The following TTN variants were observed in gnomAD, a reference collection of about 807,000 sequenced individuals.
TTN encodes connectin.
A neutral mutation model predicts 3,223.0 loss-of-function variants in TTN; 1,525 were observed. The observed-to-expected ratio is 0.47, with a 90% CI of 0.45 to 0.49. TTN has a LOEUF of 0.49. Ranked by LOEUF, TTN falls within the 20% of genes least tolerant of loss-of-function variation. The pLI is 0.00. For missense variants in TTN, 40,786 were observed against 43,424.0 expected (o/e 0.94, Z 5.40); for synonymous variants, 14,094 against 15,161.0 (o/e 0.93, Z 5.17).
At chr2:178,714,844 T>C in intron 90 of TTN, 142 bp downstream of exon 90, 1 of 1,161,148 alleles carries the variant, frequency 8.6e-7, no homozygotes, top group Non-Finnish European at 1.2e-6. Flanking sequence ...GGAAGCAGAC[T>C]AAACAGAAAA....
chr2:178,532,557 CTCT>C lies in TTN; in HGVS notation c.104055_104057del (p.Glu34686del), dbSNP rs1689633500. The C allele has an allele frequency of 6.2e-6, 10 of 1,613,828 alleles. No individual in the cohort carries two copies. The highest frequency in any genetic ancestry group is 6.8e-6 in the Non-Finnish European group (8 of 1,179,884). ...GTGAAGCTGAAAAACCTAACTCAAG[CTCT>C]TCTTCAAGACGCAGCCTCTCTTCCT... On this transcript the variant is annotated inframe_deletion, in exon 358 of 363. Transcript: ENST00000589042.
chr2:178,669,342 G>A lies in TTN; in HGVS notation c.35545+31C>T, dbSNP rs181914612. Reference sequence around the variant, plus strand: ...GTGAATTTAAGGACATAAATGAAACGAAAAAGAACCACTAATTTTTCTACA... The same window carrying A: ...GTGAATTTAAGGACATAAATGAAACAAAAAAGAACCACTAATTTTTCTACA... On this transcript the variant is annotated intron_variant, in intron 159 of 362. Coordinates refer to ENST00000589042, the MANE Select transcript of TTN (RefSeq NM_001267550.2). 555 of 1,498,864 alleles carry A rather than the reference G, an allele frequency of 3.7e-4. No homozygotes were observed. The African/African-American group carries it at 6.0e-3, about 16-fold the overall frequency. The allele number at this position is 1,498,864 out of a possible 1,614,324, so 92.8% of individuals were successfully genotyped here.
rs1326369458 is a variant in TTN at position 178,780,009 on chromosome 2, TACATAAGTTCTG to T, written c.3708_3719del (p.Arg1237_Val1240del). Reference sequence around the variant, plus strand: ...TTACTTTTATACTCACCTGATCTTCTACATAAGTTCTGACCACTACAGTATCTTTGGCCATTT... The same window carrying T: ...TTACTTTTATACTCACCTGATCTTCTACCACTACAGTATCTTTGGCCATTT... On this transcript the variant is annotated inframe_deletion, in exon 22 of 363. Coordinates refer to ENST00000589042, the MANE Select transcript of TTN (RefSeq NM_001267550.2). The T allele has an allele frequency of 6.2e-7, 1 of 1,612,496 alleles. No individual in the cohort carries two copies. Among genetic ancestry groups the T allele is most frequent in the African/African-American group, 1.3e-5 (1 of 75,002 alleles).
chr2:178,691,070 T>TAAA (rs1481081480), intron 121 of TTN, among the ~76,000 whole-genome samples: 1 of 152,158 alleles, frequency 6.6e-6, no homozygotes, highest in African/African-American at 2.4e-5. Context: ...CCTTTGTATT[T>TAAA]AATGGTTAGA....
At chr2:178,614,788 G>A in intron 260 of TTN, 35 bp from the exon 261 acceptor site, 2 of 1,599,818 alleles carry the variant, frequency 1.3e-6, no homozygotes, top group East Asian at 2.3e-5. Context: ...ATGTTATCAA[G>A]TTCAAGCAGA....
chr2:178,667,826 T>C (rs758277806), intron 159 of TTN, 105 bp from the exon 160 acceptor site: 115 of 794,348 alleles, frequency 1.4e-4, no homozygotes, highest in Admixed American at 1.2e-3. Flanking sequence ...CCAAAATTAA[T>C]AGTAGCACAT....
At position 178,729,870 on chromosome 2, in the gene TTN, T is replaced by C; in HGVS notation, c.18383A>G (p.Gln6128Arg). The change falls in exon 63 of 363, where the codon CAA (glutamine) becomes CGA (arginine). Residue 6128 changes from glutamine to arginine, a missense_variant. Coordinates refer to ENST00000589042, the MANE Select transcript of TTN (RefSeq NM_001267550.2). ...TCGGATTTTAGGAGTGCCTGTTATT[T>C]GGCATTCAAATGTTGTTGACTGTCC... ...RNGQSTTFEC[Q>R]ITGTPKIRVS... 1 of 1,613,630 alleles carries C rather than the reference T, an allele frequency of 6.2e-7. No individual in the cohort carries two copies. Among genetic ancestry groups the C allele is most frequent in the East Asian group, 2.2e-5 (1 of 44,796 alleles).
chr2:178,709,273 T>C (rs1169156209), intron 99 of TTN, among the ~76,000 whole-genome samples: 1 of 152,188 alleles, frequency 6.6e-6, no homozygotes. Flanking sequence ...ATGTCACATA[T>C]GCACACATTT....
chr2:178,796,483 C>A (rs139277527), intron 6 of TTN, among the ~76,000 whole-genome samples: 1 of 152,194 alleles, frequency 6.6e-6, no homozygotes, highest in Non-Finnish European at 1.5e-5. Flanking sequence ...TGTTTATTTT[C>A]TCGAAGAATG....
chr2:178,546,812 A>T lies in TTN; in HGVS notation c.94616T>A (p.Val31539Glu). The part of the protein sequence containing the change: ...APAYDGGSKV[V>E]GYIIERKPVS... ...TGGCTTACGCTCTATGATGTAGCCC[A>T]CAACCTTGCTGCCTCCATCATACGC... Residue 31539 changes from valine to glutamate, a missense_variant, in exon 341 of 363, where the codon GTG becomes GAG. By Grantham distance (121) the Val-to-Glu change is moderately radical. Transcript: ENST00000589042. 6.2e-7 allele frequency: 1 copy of T among 1,612,708 alleles called. No individual in the cohort carries two copies. Among genetic ancestry groups the T allele is most frequent in the Non-Finnish European group, 8.5e-7 (1 of 1,178,904 alleles).
chr2:178,566,414 T>C lies in TTN; in HGVS notation c.79718A>G (p.Glu26573Gly). 6.2e-7 allele frequency: 1 copy of C among 1,613,486 alleles called. No homozygotes were observed. The highest frequency in any genetic ancestry group is 8.5e-7 in the Non-Finnish European group (1 of 1,179,664). Residue 26573 changes from glutamate to glycine, a missense_variant, in exon 326 of 363, where the codon GAG (glutamate) becomes GGG (glycine). By Grantham distance (98) the Glu-to-Gly change is moderately conservative (BLOSUM62 -2). Transcript: ENST00000589042. Reference protein sequence around the residue: ...VCALNKVGLGEATSVPGTVKP... With the variant: ...VCALNKVGLGGATSVPGTVKP... ...CACAGTACCAGGAACTGATGTAGCC[T>C]CACCTAAACCAACTTTGTTGAGGGC...
chr2:178,637,395 G>A lies in TTN; in HGVS notation c.40901C>T (p.Ala13634Val). The change falls in exon 224 of 363, where the codon GCT (alanine) becomes GTT (valine). Residue 13634 changes from alanine to valine, a missense_variant. Transcript: ENST00000589042. ...KAEAKAPKEE[A>V]AKPKGPIKGV... ...TTTGATAGGACCTTTTGGCTTGGCA[G>A]CCTCTTCCTTAGGTGCTTTGGCTTC... is the stretch of plus-strand genomic sequence containing the variant. 1 of 1,476,496 alleles carries A rather than the reference G, an allele frequency of 6.8e-7. No individual in the cohort carries two copies. Among genetic ancestry groups the A allele is most frequent in the Non-Finnish European group, 9.0e-7 (1 of 1,115,342 alleles). 91.5% of individuals were successfully genotyped at this position (1,476,496 alleles called of 1,614,324 possible).
Position 178,633,618 on chromosome 2 carries a change from C to G in TTN, c.42741G>C (p.Glu14247Asp). ...TGCTCACTTCACACTTCAAAGTAAT[C>G]TCATCCTTCTCCACTGCAGTTTTGT... ...LHDKTAVEKD[E>D]ITLKCEVSKD... The change falls in exon 232 of 363, where the codon GAG becomes GAC. Residue 14247 changes from glutamate (E) to aspartate (D), a missense_variant. Glu to Asp is a conservative substitution (Grantham distance 45). Transcript: ENST00000589042. 6.2e-7 allele frequency: 1 copy of G among 1,613,200 alleles called. No individual in the cohort carries two copies. The highest frequency in any genetic ancestry group is 8.5e-7 in the Non-Finnish European group (1 of 1,179,578).
intron 119 of TTN, 40 bp from the exon 120 acceptor site, chr2:178,692,620 T>A: frequency 7.1e-7 from 1 of 1,418,086 alleles, no homozygotes; most frequent in Non-Finnish European, 9.4e-7. Context: ...AGTGTGCATT[T>A]GACAAGGCAT....
At position 178,645,833 on chromosome 2, in the gene TTN, G is replaced by A. The variant is rs993481475; in HGVS notation, c.40408+87C>T. ...TGTCTGAAAGTACACACTTCTAAAA[G>A]TCATACATTTCTTGCAAGCATCATT... On this transcript the variant is annotated intron_variant, in intron 217 of 362. Coordinates refer to ENST00000589042, the MANE Select transcript of TTN (RefSeq NM_001267550.2). 18 of 806,740 alleles carry A rather than the reference G, an allele frequency of 2.2e-5. No individual in the cohort carries two copies. In the African/African-American group the frequency reaches 3.3e-4, roughly 15 times the overall value. The allele number at this position is 806,740 out of a possible 1,614,324, so 50.0% of individuals were successfully genotyped here.
At chr2:178,800,722 G>T in intron 3 of TTN, 40 bp from the exon 4 acceptor site, 1 of 1,574,398 alleles carries the variant, frequency 6.4e-7, no homozygotes, top group Non-Finnish European at 8.6e-7. Flanking sequence ...TGAGAGCCAG[G>T]GTGCTCCCTA....
intron 193 of TTN, 33 bp from the exon 194 acceptor site, chr2:178,654,128 A>G: frequency 6.3e-7 from 1 of 1,594,804 alleles, no homozygotes; most frequent in Middle Eastern, 1.7e-4. Flanking sequence ...ATAATTTATG[A>G]ATGGCGAAGG....
At chr2:178,747,658 C>T in intron 47 of TTN, 1 of 1,613,230 alleles carries the variant, frequency 6.2e-7, no homozygotes, top group Non-Finnish European at 8.5e-7. Flanking sequence ...GAACCTCACG[C>T]TTTCCAGCAG....
Position 178,589,350 on chromosome 2 carries a change from C to T in TTN, c.62375G>A (p.Gly20792Glu), listed in dbSNP as rs1223753533. 3 of 1,613,318 alleles carry T rather than the reference C, an allele frequency of 1.9e-6. No homozygotes were observed. The East Asian group carries it at 6.7e-5, about 36-fold the overall frequency. Reference sequence around the variant, plus strand: ...TTCTGGGAATGGTTTGCCTCTAACCCCTGCCTCAAGCCTAATGGTGTCCCC... The same window carrying T: ...TTCTGGGAATGGTTTGCCTCTAACCTCTGCCTCAAGCCTAATGGTGTCCCC... ...KAGDTIRLEA[G>E]VRGKPFPEVA... The change falls in exon 304 of 363, where the codon GGG (glycine) becomes GAG (glutamate). Residue 20792 changes from glycine (G) to glutamate (E), a missense_variant. Transcript: ENST00000589042.
Sources: gnomAD v4.1 joint callset for allele counts (sites outside exome capture counted in the v4.1 genomes callset) on GRCh38, gnomAD v4.1.1 for gene constraint, MANE v1.5 for transcripts, NCBI Gene and HGNC (gene_info 2026-07-23, HGNC 2026-07-21) for gene names.